Variants in PLIN3 observed in about 807,000 individuals in gnomAD.
PLIN3 encodes perilipin 3.
A neutral mutation model predicts 35.9 loss-of-function variants in PLIN3; 30 were observed. The ratio of observed to expected loss-of-function variants is 0.84; its 90% confidence interval spans 0.62 to 1.13. The LOEUF (loss-of-function observed/expected upper bound fraction) is 1.13, where lower values mean the gene tolerates loss of function less well. Among genes scored for constraint, PLIN3 ranks in the 50% most tolerant of loss-of-function variants. The pLI is 0.00. For synonymous variants in PLIN3, 261 were observed against 262.5 expected (o/e 0.99, Z 0.06); for missense variants, 603 against 596.9 (o/e 1.01, Z -0.11).
intron 2 of PLIN3, among the ~76,000 whole-genome samples, chr19:4,860,878 G>A (rs2030652670): frequency 6.6e-6 from 1 of 152,132 alleles, no homozygotes; most frequent in Admixed American, 6.6e-5. Flanking sequence ...GGCTGAGGCA[G>A]GAGAATTGCT....
intron 5 of PLIN3, among the ~76,000 whole-genome samples, chr19:4,851,513 G>A (rs1333693313): frequency 6.6e-6 from 1 of 152,086 alleles, no homozygotes; most frequent in African/African-American, 2.4e-5. Flanking sequence ...AAACAGTGCA[G>A]GGAGTGCGAA....
chr19:4,852,811 T>C lies in PLIN3; in HGVS notation c.349-510A>G, dbSNP rs181225901. ...GCCCGCCACCATGCCTGGCTAATTGTTTTTTGTTGTTGCTGTTGTTGAGAT... is the reference window on the plus strand; with the variant it reads ...GCCCGCCACCATGCCTGGCTAATTGCTTTTTGTTGTTGCTGTTGTTGAGAT... On this transcript the variant is annotated intron_variant, in intron 4 of 7. Transcript: ENST00000221957. Among the ~76,000 whole-genome samples, 271 of 151,990 alleles carry C rather than the reference T, an allele frequency of 1.8e-3. 1 individual carries two copies. The highest frequency in any genetic ancestry group is 3.0e-3 in the Non-Finnish European group (205 of 67,958).
chr19:4,843,504 T>C (rs1013224358), intron 7 of PLIN3, among the ~76,000 whole-genome samples: 4 of 50,604 alleles, frequency 7.9e-5, no homozygotes, highest in African/African-American at 3.3e-4. Context: ...CGAGACTCCA[T>C]CTCAAAAAAT....
intron 6 of PLIN3, 110 bp from the exon 7 acceptor site, chr19:4,844,903 A>G: frequency 7.7e-7 from 1 of 1,292,198 alleles, no homozygotes. Context: ...ACAGTCTAGA[A>G]AAGAGAAAGG....
intron 4 of PLIN3, among the ~76,000 whole-genome samples, chr19:4,858,700 GGTTT>G (rs1568379703): frequency 3.6e-4 from 10 of 27,818 alleles, no homozygotes; most frequent in Non-Finnish European, 9.6e-5. Flanking sequence ...GTGTTTTTTT[GGTTT>G]TTTTTTTTTT....
In PLIN3 at chr19:4,859,814, G is replaced by A; in HGVS notation, c.265+12C>T. The A allele has an allele frequency of 1.2e-6, 2 of 1,612,908 alleles. No individual in the cohort carries two copies. Among genetic ancestry groups the A allele is most frequent in the Non-Finnish European group, 1.7e-6 (2 of 1,179,684 alleles). On this transcript the variant is annotated intron_variant, in intron 3 of 7. Transcript: ENST00000221957. ...AGGAGGGGAATTCAGTGCCCCCTGG[G>A]ACTTCACCCACTCTGGGGCTCCAGC... is the stretch of plus-strand genomic sequence containing the variant.
chr19:4,843,094 T>C (rs1037824555), intron 7 of PLIN3, among the ~76,000 whole-genome samples: 2 of 152,088 alleles, frequency 1.3e-5, no homozygotes, highest in South Asian at 2.1e-4. Flanking sequence ...TGGTGACGCA[T>C]GCCTGTAATC....
At chr19:4,848,010 G>A in intron 5 of PLIN3, 120 bp from the exon 6 acceptor site, 1 of 766,646 alleles carries the variant, frequency 1.3e-6, no homozygotes, top group Non-Finnish European at 2.1e-6. Flanking sequence ...TAGAGATGGA[G>A]TCTCGCTCTG....
chr19:4,844,916 G>A (rs2030036548), intron 6 of PLIN3, 123 bp from the exon 7 acceptor site: 5 of 1,183,470 alleles, frequency 4.2e-6, no homozygotes, highest in Middle Eastern at 2.0e-4. Context: ...GAGAAAGGGA[G>A]GGAGGGAGGA....
At position 4,844,499 on chromosome 19, in the gene PLIN3, C is replaced by T. The variant is rs147728023; in HGVS notation, c.960+169G>A. Among the ~76,000 whole-genome samples, 487 of 152,112 alleles carry T rather than the reference C, an allele frequency of 3.2e-3. 1 individual carries two copies. Among genetic ancestry groups the T allele is most frequent in the Middle Eastern group, 0.014 (4 of 294 alleles). ...AAACAGAAGCCATACCTATGCATGC[C>T]CAAGAGGAGAAATCAAGGCAGGCTT... On this transcript the variant is annotated intron_variant, in intron 7 of 7. Coordinates refer to ENST00000221957, the MANE Select transcript of PLIN3 (RefSeq NM_005817.5).
Position 4,852,205 on chromosome 19 carries a change from CCGA to C in PLIN3, c.442_444del (p.Ser148del). 4 of 1,612,608 alleles carry C rather than the reference CCGA, an allele frequency of 2.5e-6. No homozygotes were observed. The highest frequency in any genetic ancestry group is 3.4e-6 in the Non-Finnish European group (4 of 1,180,016). ...GCACCGCGGGTCGCGTCCACCGCCT[CCGA>C]CAATTGGGTGGCCACCGTGTCCTTG... On this transcript the variant is annotated inframe_deletion, in exon 5 of 8. Transcript: ENST00000221957.
At chr19:4,855,447 C>T (rs1303812815) in intron 4 of PLIN3, among the ~76,000 whole-genome samples, 1 of 152,038 alleles carries the variant, frequency 6.6e-6, no homozygotes, top group Non-Finnish European at 1.5e-5. Flanking sequence ...CCTGTAAGCT[C>T]AGCAGTTTCC....
intron 4 of PLIN3, among the ~76,000 whole-genome samples, chr19:4,857,848 T>C (rs1416693807): frequency 2.6e-5 from 4 of 151,724 alleles, no homozygotes; most frequent in African/African-American, 7.3e-5. Context: ...TGGTGGCACA[T>C]GTCTGTAATC....
chr19:4,854,526 C>G (rs2030410241), intron 4 of PLIN3, among the ~76,000 whole-genome samples: 1 of 152,126 alleles, frequency 6.6e-6, no homozygotes, highest in African/African-American at 2.4e-5. Flanking sequence ...GCCTCAGCCT[C>G]CCCAGCAGCT....
At position 4,842,541 on chromosome 19, in the gene PLIN3, A is replaced by G. The variant is rs1362777740; in HGVS notation, c.960+2127T>C. 2.8e-5 allele frequency among the ~76,000 whole-genome samples: 4 copies of G among 142,654 alleles called. No homozygotes were observed. In the East Asian group the frequency reaches 8.3e-4, roughly 30 times the overall value. The allele number at this position is 142,654 out of a possible 152,430, so 93.6% of individuals were successfully genotyped here. A position where few individuals can be genotyped will look rare whatever the true frequency, so the allele number is the denominator to read the frequency against. ...CTTGAACCCGGGAGGCAGAGGTTGC[A>G]GTGAGCCGAGATCATGACATTGCAC... On this transcript the variant is annotated intron_variant, in intron 7 of 7. Transcript: ENST00000221957.
chr19:4,841,694 C>T (rs1357701383), intron 7 of PLIN3, among the ~76,000 whole-genome samples: 3 of 150,032 alleles, frequency 2.0e-5, no homozygotes, highest in African/African-American at 7.3e-5. Context: ...GAGGTCAGGA[C>T]GATCGGGACC....
intron 1 of PLIN3, among the ~76,000 whole-genome samples, 165 bp downstream of exon 1, chr19:4,867,444 T>TG (rs1391799861): frequency 1.8e-4 from 28 of 152,002 alleles, no homozygotes; most frequent in Non-Finnish European, 7.4e-5. Context: ...TGGATTTTTC[T>TG]GGGGGGAGGG....
intron 4 of PLIN3, among the ~76,000 whole-genome samples, chr19:4,856,711 T>G (rs1045324525): frequency 2.7e-5 from 4 of 150,932 alleles, no homozygotes; most frequent in Non-Finnish European, 4.4e-5. Flanking sequence ...GGGTGTTTTT[T>G]TTTTTTTTTT....
At chr19:4,854,023 C>T (rs552549317) in intron 4 of PLIN3, among the ~76,000 whole-genome samples, 3 of 151,148 alleles carry the variant, frequency 2.0e-5, no homozygotes, top group East Asian at 3.9e-4. Context: ...GCCTTGACCT[C>T]TTCGGCTCCA....
Sources: allele counts gnomAD v4.1 joint callset (sites outside exome capture counted in the v4.1 genomes callset), GRCh38; gene constraint gnomAD v4.1.1; transcripts MANE v1.5; gene names NCBI Gene and HGNC (gene_info 2026-07-23, HGNC 2026-07-21).